The following PHKB variants were observed in gnomAD, a reference collection of about 807,000 sequenced individuals.
PHKB encodes phosphorylase b kinase regulatory subunit beta.
PHKB carries 122 observed loss-of-function variants against 152.1 expected under a neutral mutation model. The ratio of observed to expected loss-of-function variants is 0.80; its 90% CI spans 0.69 to 0.93. The LOEUF is 0.93. PHKB is among the 40% of genes least tolerant of loss of function. PHKB has a pLI of 0.00. For synonymous variants in PHKB, 436 were observed against 464.9 expected, an observed-to-expected ratio of 0.94 and a Z score of 0.80; for missense variants, 1,304 against 1,328.4, an observed-to-expected ratio of 0.98 and a Z score of 0.29.
At chr16:47,584,901 T>C (rs539336630) in intron 8 of PHKB, among the ~76,000 whole-genome samples, 3 of 152,318 alleles carry the variant, frequency 2.0e-5, no homozygotes, top group Middle Eastern at 3.4e-3. Context: ...CTTCAAATTG[T>C]TTTCTTTTTA....
At chr16:47,536,874 G>C (rs796683044) in intron 6 of PHKB, among the ~76,000 whole-genome samples, 7 of 152,306 alleles carry the variant, frequency 4.6e-5, no homozygotes, top group African/African-American at 1.7e-4. Context: ...GTGAGAGTTA[G>C]GAGAAATTAG....
At chr16:47,468,128 C>T (rs1315965016) in intron 1 of PHKB, among the ~76,000 whole-genome samples, 1 of 152,188 alleles carries the variant, frequency 6.6e-6, no homozygotes, top group African/African-American at 2.4e-5. Context: ...TCTTTCTACT[C>T]CACCTCTAAA....
chr16:47,631,456 A>G (rs1972825095), intron 14 of PHKB, among the ~76,000 whole-genome samples: 1 of 152,140 alleles, frequency 6.6e-6, no homozygotes, highest in Admixed American at 6.5e-5. Context: ...TACAAAACAA[A>G]TGTAAGCAAG....
At chr16:47,685,943 G>C (rs570226301) in intron 26 of PHKB, among the ~76,000 whole-genome samples, 1 of 151,976 alleles carries the variant, frequency 6.6e-6, no homozygotes, top group African/African-American at 2.4e-5. Context: ...GGGTTTCACC[G>C]TGTTAGCCAG....
chr16:47,668,481 G>C (rs992056558), intron 25 of PHKB, among the ~76,000 whole-genome samples: 1 of 152,138 alleles, frequency 6.6e-6, no homozygotes, highest in Non-Finnish European at 1.5e-5. Flanking sequence ...CAGGGAGAAG[G>C]GCGGCCTGCA....
chr16:47,507,984 C>CA (rs1970449413), intron 4 of PHKB, among the ~76,000 whole-genome samples: 1 of 152,162 alleles, frequency 6.6e-6, no homozygotes, highest in African/African-American at 2.4e-5. Context: ...AAGCAAAGCA[C>CA]ATTAGTAGTG....
At chr16:47,667,926 T>G (rs1231452273) in intron 25 of PHKB, among the ~76,000 whole-genome samples, 1 of 152,192 alleles carries the variant, frequency 6.6e-6, no homozygotes, top group Non-Finnish European at 1.5e-5. Context: ...CCTGGACCAT[T>G]GCTCATCACA....
chr16:47,511,622 T>C, intron 4 of PHKB, 43 bp from the exon 5 acceptor site: 1 of 1,318,670 alleles, frequency 7.6e-7, no homozygotes, highest in Non-Finnish European at 1.1e-6. Context: ...CTTGGATAAG[T>C]TTATGAATTA....
intron 12 of PHKB, 63 bp downstream of exon 12, chr16:47,594,277 A>G (rs920152877): frequency 7.2e-6 from 6 of 837,454 alleles, no homozygotes; most frequent in South Asian, 5.5e-5. Context: ...TTTGAAATGT[A>G]TAAGTGAGTC....
At chr16:47,577,810 C>T (rs926329493) in intron 7 of PHKB, among the ~76,000 whole-genome samples, 11 of 152,004 alleles carry the variant, frequency 7.2e-5, no homozygotes, top group South Asian at 4.1e-4. Flanking sequence ...TCAGAAGTTA[C>T]GATGTGTCTT....
chr16:47,496,866 C>T (rs1970241176), intron 1 of PHKB, among the ~76,000 whole-genome samples: 2 of 152,128 alleles, frequency 1.3e-5, no homozygotes, highest in Admixed American at 6.5e-5. Context: ...TATCATCTCC[C>T]TGGGAGAAAG....
chr16:47,565,758 T>C (rs1971554691), intron 7 of PHKB: 4 of 1,502,616 alleles, frequency 2.7e-6, no homozygotes, highest in Non-Finnish European at 3.7e-6. Context: ...CTGCAACTTC[T>C]CTTGTTCCTT....
intron 1 of PHKB, among the ~76,000 whole-genome samples, chr16:47,492,160 C>G (rs1462662341): frequency 2.0e-5 from 3 of 152,218 alleles, no homozygotes; most frequent in South Asian, 2.1e-4. Context: ...AATGGTGAGG[C>G]TAGAACAAAA....
chr16:47,581,105 T>A (rs1205556042), intron 8 of PHKB, among the ~76,000 whole-genome samples: 1 of 152,200 alleles, frequency 6.6e-6, no homozygotes, highest in Non-Finnish European at 1.5e-5. Flanking sequence ...AATCCTAAGC[T>A]ACTGAAATGC....
intron 7 of PHKB, among the ~76,000 whole-genome samples, chr16:47,555,488 A>T (rs1290449342): frequency 6.6e-6 from 1 of 152,162 alleles, no homozygotes; most frequent in Non-Finnish European, 1.5e-5. Context: ...TCCCAAACAA[A>T]TGTTGCTTTA....
rs567518259 is a variant in PHKB, at chr16:47,471,593, T to C, written c.76+10167T>C. On this transcript the variant is annotated intron_variant, in intron 1 of 30. Coordinates refer to ENST00000323584, the MANE Select transcript of PHKB (RefSeq NM_000293.3). ...GTGAATGGCTGTGAAGGCACAGATA[T>C]TGAGTATATCATCATTCTGGATTCA... Among the ~76,000 whole-genome samples the C allele has an allele frequency of 2.1e-3, 315 of 152,284 alleles. 1 individual carries two copies. The highest frequency in any genetic ancestry group is 3.3e-3 in the Non-Finnish European group (227 of 68,020).
intron 5 of PHKB, 44 bp downstream of exon 5, chr16:47,511,816 A>G: frequency 8.0e-7 from 1 of 1,256,452 alleles, no homozygotes; most frequent in Non-Finnish European, 1.2e-6. Context: ...ATTATATAGC[A>G]TAGAACAGTG....
At chr16:47,650,752 A>T in intron 19 of PHKB, 79 bp from the exon 20 acceptor site, 8 of 1,273,616 alleles carry the variant, frequency 6.3e-6, no homozygotes, top group Non-Finnish European at 9.2e-6. Context: ...CTTTGTATAT[A>T]TAAGGGGCAC....
Position 47,598,533 on chromosome 16 carries a change from T to C in PHKB, c.1363+2002T>C, listed in dbSNP as rs190508524. On this transcript the variant is annotated intron_variant, in intron 13 of 30. Transcript: ENST00000323584. ...ATAATCACCAATTTTAACACTCTCCTACATATTTTCTATATCACTTTTCTT... is the reference window on the plus strand; with the variant it reads ...ATAATCACCAATTTTAACACTCTCCCACATATTTTCTATATCACTTTTCTT... 95 of 639,144 alleles carry C rather than the reference T, an allele frequency of 1.5e-4. No homozygotes were observed. The East Asian group carries it at 2.5e-3, about 17-fold the overall frequency. The allele number at this position is 639,144 out of a possible 1,614,324, so 39.6% of individuals were successfully genotyped here.
Sources: allele counts gnomAD v4.1 joint callset (sites outside exome capture counted in the v4.1 genomes callset), GRCh38; gene constraint gnomAD v4.1.1; transcripts MANE v1.5; gene names NCBI Gene and HGNC (gene_info 2026-07-23, HGNC 2026-07-21).